Variants in CYP24A1 observed in about 807,000 individuals in gnomAD.
The protein encoded by CYP24A1 is 1,25-dihydroxyvitamin D(3) 24-hydroxylase, mitochondrial.
Under a neutral mutation model 62.4 loss-of-function variants are expected in CYP24A1, and 68 were observed. The observed-to-expected ratio is 1.09, with a 90% confidence interval of 0.90 to 1.33. The LOEUF (loss-of-function observed/expected upper bound fraction) is 1.33. Ranked by LOEUF, CYP24A1 falls within the 40% of genes most tolerant of loss-of-function variation. The pLI is 0.00. For synonymous variants in CYP24A1, 267 were observed against 253.0 expected (o/e 1.06, Z -0.52); for missense variants, 787 against 653.0 (o/e 1.21, Z -2.24).
Position 54,173,513 on chromosome 20 carries a change from G to T in CYP24A1, c.67C>A (p.Gln23Lys). The change falls in exon 1 of 12, where the codon CAG becomes AAG. Residue 23 changes from glutamine to lysine, a missense_variant. Physicochemically the swap from Gln to Lys is moderately conservative, Grantham distance 53 (BLOSUM62 1). Transcript: ENST00000216862. The surrounding 1 kb of genome is among the most constrained non-coding windows in gnomAD (Gnocchi z 7.2). The stretch of plus-strand genomic sequence containing the variant: ...GTAGATGTCACCAGTCTCGGGGGCT[G>T]CCTCGGACTGCGCAGCTGCTGCAGG... Reference protein sequence around the residue: ...AFLQQLRSPRQPPRLVTSTAY... With the variant: ...AFLQQLRSPRKPPRLVTSTAY... 1 of 1,567,946 alleles carries T rather than the reference G, an allele frequency of 6.4e-7. No individual in the cohort carries two copies. The highest frequency in any genetic ancestry group is 8.6e-7 in the Non-Finnish European group (1 of 1,157,088).
chr20:54,162,837 TA>T lies in CYP24A1; in HGVS notation c.869del (p.Leu290Ter). On this transcript the variant is annotated frameshift_variant, in exon 7 of 12. Transcript: ENST00000216862. LOFTEE classifies it high-confidence loss of function. ...KSVKACIDNR[L>X]EKYSQQPSAD... ...CACTAGGCTGCTGAGAATACTTCTC[TA>T]ACCGGTTGTCGATACAAGCTTTGAC... 1 of 1,575,398 alleles carries T rather than the reference TA, an allele frequency of 6.3e-7. No individual in the cohort carries two copies. Among genetic ancestry groups the T allele is most frequent in the Non-Finnish European group, 8.7e-7 (1 of 1,144,822 alleles).
intron 11 of CYP24A1, among the ~76,000 whole-genome samples, chr20:54,156,372 T>G (rs927652): frequency 1.3e-5 from 2 of 152,012 alleles, no homozygotes; most frequent in Non-Finnish European, 2.9e-5. Flanking sequence ...AGATTCAAAG[T>G]GTGAGAGGGA....
Position 54,169,586 on chromosome 20 carries a change from A to G in CYP24A1, c.640+6T>C. The stretch of plus-strand genomic sequence containing the variant: ...ATCAGTGAGCAAGTCTGTGACGACA[A>G]CTTACTTTCAAACGACCATTTGTTC... On this transcript the variant is annotated splice_donor_region_variant and intron_variant, in intron 4 of 11. Coordinates refer to ENST00000216862, the MANE Select transcript of CYP24A1 (RefSeq NM_000782.5). 1 of 1,614,162 alleles carries G rather than the reference A, an allele frequency of 6.2e-7. No individual in the cohort carries two copies. Among genetic ancestry groups the G allele is most frequent in the Non-Finnish European group, 8.5e-7 (1 of 1,180,010 alleles).
At position 54,172,908 on chromosome 20, in the gene CYP24A1, C is replaced by T. The variant is rs777927687; in HGVS notation, c.449+1G>A. 1 of 1,613,760 alleles carries T rather than the reference C, an allele frequency of 6.2e-7. No individual in the cohort carries two copies. The highest frequency in any genetic ancestry group is 2.2e-5 in the East Asian group (1 of 44,882). ...GCCCAGGTCCCTCGGATTGGACTCA[C>T]AGGATCAGCAGCCCGTAGCCTTCTT... is the stretch of plus-strand genomic sequence containing the variant. On this transcript the variant is annotated splice_donor_variant, in intron 2 of 11. Transcript: ENST00000216862. LOFTEE classifies it high-confidence loss of function.
At chr20:54,167,657 C>T (rs555619549) in intron 4 of CYP24A1, among the ~76,000 whole-genome samples, 47 of 152,208 alleles carry the variant, frequency 3.1e-4, no homozygotes, top group Non-Finnish European at 5.6e-4. Flanking sequence ...CCTGTAGTCC[C>T]AGCTGCTCAG....
intron 8 of CYP24A1, 96 bp from the exon 9 acceptor site, chr20:54,158,260 C>T (rs557312947): frequency 3.8e-6 from 6 of 1,573,284 alleles, no homozygotes; most frequent in Admixed American, 1.8e-5. Context: ...AAATGCTGCC[C>T]AAGTGCATAC....
chr20:54,171,846 T>C, intron 2 of CYP24A1, 176 bp from the exon 3 acceptor site: 1 of 1,423,180 alleles, frequency 7.0e-7, no homozygotes, highest in Admixed American at 2.3e-5. Context: ...TGATCATCTT[T>C]TGACAATAGT....
rs751526033 is a variant in CYP24A1 at position 54,165,795 on chromosome 20, GA to G, written c.678del (p.Leu227SerfsTer10). Reference sequence around the variant, plus strand: ...GCTTCATCCCCTGCATTCTTCTGGAGAAGCCCAAATCTCTTCTCATACAACA... The same window carrying G: ...GCTTCATCCCCTGCATTCTTCTGGAGAGCCCAAATCTCTTCTCATACAACA... Reference protein sequence around the residue: ...CLVLYEKRFGLLQKNAGDEAV... With the variant: ...CLVLYEKRFGXLQKNAGDEAV... On this transcript the variant is annotated frameshift_variant, in exon 5 of 12. Transcript: ENST00000216862. LOFTEE classifies it high-confidence loss of function. 4 of 1,535,570 alleles carry G rather than the reference GA, an allele frequency of 2.6e-6. No homozygotes were observed. The Admixed American group carries it at 6.7e-5, about 26-fold the overall frequency.
chr20:54,171,386 TGGA>T (rs2092693227), intron 3 of CYP24A1, among the ~76,000 whole-genome samples, 188 bp downstream of exon 3: 1 of 151,590 alleles, frequency 6.6e-6, no homozygotes, highest in African/African-American at 2.4e-5. Context: ...TAAAAGAGGG[TGGA>T]GGAGGGAGAA....
downstream of CYP24A1, among the ~76,000 whole-genome samples, chr20:54,149,629 G>A (rs778365936): frequency 5.9e-5 from 9 of 152,142 alleles, no homozygotes; most frequent in Admixed American, 3.9e-4. Flanking sequence ...CTGCTCCCCC[G>A]GAGAGTAGGA....
rs1440412352 is a variant in CYP24A1 at position 54,173,794 on chromosome 20, G to A, written c.-215C>T. 2 of 596,850 alleles carry A rather than the reference G, an allele frequency of 3.4e-6. No individual in the cohort carries two copies. Among genetic ancestry groups the A allele is most frequent in the Non-Finnish European group, 6.0e-6 (2 of 334,804 alleles). 37.0% of individuals were successfully genotyped at this position (596,850 alleles called of 1,614,324 possible). On this transcript the variant is annotated 5_prime_UTR_variant, in exon 1 of 12. Coordinates refer to ENST00000216862, the MANE Select transcript of CYP24A1 (RefSeq NM_000782.5). The surrounding 1 kb of genome is among the most constrained non-coding windows in gnomAD (Gnocchi z 7.2). ...ACCACGCGACAGCCTCAGAGCATTG[G>A]TGCCTCCTTGCACTGGCCGCAGGGG... is the stretch of plus-strand genomic sequence containing the variant.
chr20:54,162,581 T>TGCTGTGCGCG (rs2092656448), intron 7 of CYP24A1, 136 bp downstream of exon 7: 1 of 614,488 alleles, frequency 1.6e-6, no homozygotes, highest in African/African-American at 2.5e-5. Flanking sequence ...GCATCTAGTA[T>TGCTGTGCGCG]GAGACTTTTC....
intron 2 of CYP24A1, 58 bp from the exon 3 acceptor site, chr20:54,171,728 G>T: frequency 6.2e-7 from 1 of 1,613,708 alleles, no homozygotes; most frequent in Non-Finnish European, 8.5e-7. Context: ...AGGAGATGCA[G>T]AAATACTCCA....
downstream of CYP24A1, among the ~76,000 whole-genome samples, chr20:54,151,856 C>T (rs1037038632): frequency 2.0e-5 from 3 of 151,864 alleles, no homozygotes; most frequent in Non-Finnish European, 4.4e-5. Flanking sequence ...GATTACTGAG[C>T]ACCTCTGTGC....
rs934783063 is a variant in CYP24A1 at position 54,172,758 on chromosome 20, T to C, written c.449+151A>G. The stretch of plus-strand genomic sequence containing the variant: ...CTCTAATCTGTACAAGAGCTCAGGG[T>C]TGCGATGGCACGGGAGAGGGGCTTT... On this transcript the variant is annotated intron_variant, in intron 2 of 11. Coordinates refer to ENST00000216862, the MANE Select transcript of CYP24A1 (RefSeq NM_000782.5). 1.3e-5 allele frequency: 20 copies of C among 1,508,776 alleles called. No homozygotes were observed. The Admixed American group carries it at 2.3e-4, about 17-fold the overall frequency. The allele number at this position is 1,508,776 out of a possible 1,614,324, so 93.5% of individuals were successfully genotyped here. A position where few individuals can be genotyped will look rare whatever the true frequency, so the allele number is the denominator to read the frequency against.
chr20:54,173,331 G>T lies in CYP24A1; in HGVS notation c.249C>A (p.His83Gln), dbSNP rs1383090763. 40 of 1,608,338 alleles carry T rather than the reference G, an allele frequency of 2.5e-5. No individual in the cohort carries two copies. The highest frequency in any genetic ancestry group is 3.2e-5 in the Non-Finnish European group (38 of 1,176,606). The change falls in exon 1 of 12, where the codon CAC becomes CAA. Residue 83 changes from histidine (H) to glutamine (Q), a missense_variant. By Grantham distance (24) the His-to-Gln change is conservative. Coordinates refer to ENST00000216862, the MANE Select transcript of CYP24A1 (RefSeq NM_000782.5). This position sits in a 1 kb window ranked among gnomAD's most constrained non-coding sequence, Gnocchi z 7.2. ...GCGAAAAGGGGTTTACCAGGGTGTC[G>T]TGCTGTTTCTTGAGACCCCCTTTCC... is the stretch of plus-strand genomic sequence containing the variant. ...ILWKGGLKKQHDTLVEYHKKY... is the reference protein window; with the variant it reads ...ILWKGGLKKQQDTLVEYHKKY...
chr20:54,173,378 C>T lies in CYP24A1; in HGVS notation c.202G>A (p.Gly68Ser). Residue 68 changes from glycine (G) to serine (S), a missense_variant, in exon 1 of 12, where the codon GGC becomes AGC. Coordinates refer to ENST00000216862, the MANE Select transcript of CYP24A1 (RefSeq NM_000782.5). This position sits in a 1 kb window ranked among gnomAD's most constrained non-coding sequence, Gnocchi z 7.2. ...TTCCAGAGAATCTGCAGCAGGCTGC[C>T]CAGCAGTGGCCAGCTGGTGGGGCCC... ...LPGPTSWPLL[G>S]SLLQILWKGG... 6.3e-7 allele frequency: 1 copy of T among 1,595,702 alleles called. No individual in the cohort carries two copies. Among genetic ancestry groups the T allele is most frequent in the Non-Finnish European group, 8.5e-7 (1 of 1,169,702 alleles).
chr20:54,159,127 C>A lies in CYP24A1; in HGVS notation c.991-4G>T. ...TCCACATTAGACTGTTTGCTGTCTG[C>A]AAGCCAAATGGACATAAACTTGAGT... is the stretch of plus-strand genomic sequence containing the variant. On this transcript the variant is annotated splice_region_variant and splice_polypyrimidine_tract_variant and intron_variant, in intron 7 of 11. Transcript: ENST00000216862. 4 of 1,609,956 alleles carry A rather than the reference C, an allele frequency of 2.5e-6. No homozygotes were observed. Among genetic ancestry groups the A allele is most frequent in the Non-Finnish European group, 3.4e-6 (4 of 1,176,246 alleles).
At chr20:54,152,550 G>A (rs971469398), downstream of CYP24A1, among the ~76,000 whole-genome samples, 5 of 152,202 alleles carry the variant, frequency 3.3e-5, no homozygotes, top group Non-Finnish European at 7.3e-5. Flanking sequence ...CTGGGTGGAC[G>A]TAGATGGTGC....
Sources: gnomAD v4.1 joint callset for allele counts (sites outside exome capture counted in the v4.1 genomes callset) on GRCh38, gnomAD v4.1.1 for gene constraint, Gnocchi (gnomAD v3.1) non-coding constraint, MANE v1.5 for transcripts, NCBI Gene and HGNC (gene_info 2026-07-23, HGNC 2026-07-21) for gene names.